TANC1: variants seen among roughly 807,000 people sequenced by gnomAD.
TANC1 encodes the protein protein TANC1.
In TANC1, 77 loss-of-function variants were observed where a neutral mutation model predicts 149.7. The observed-to-expected ratio is 0.51, with a 90% CI of 0.43 to 0.62. The LOEUF (loss-of-function observed/expected upper bound fraction) is 0.62, where lower values mean the gene tolerates loss of function less well. Among genes scored for constraint, TANC1 ranks in the 20% least tolerant of loss-of-function variants. The pLI, the probability that TANC1 is intolerant of heterozygous loss-of-function variation, is 0.00. For missense variants in TANC1, 1,985 were observed against 2,321.8 expected (o/e 0.85, Z 2.98); for synonymous variants, 854 against 925.0 (o/e 0.92, Z 1.39).
chr2:159,082,362 T>C (rs1470277289), intron 3 of TANC1, among the ~76,000 whole-genome samples: 1 of 92,758 alleles, frequency 1.1e-5, no homozygotes, highest in Non-Finnish European at 2.5e-5. Flanking sequence ...ATACATGTTT[T>C]AAACTTGTTA....
chr2:158,994,695 CTT>C (rs1371268181), intron 1 of TANC1, among the ~76,000 whole-genome samples: 1 of 152,176 alleles, frequency 6.6e-6, no homozygotes, highest in Admixed American at 6.5e-5. Context: ...TGATTTGTAA[CTT>C]TTTAAAACTT....
intron 7 of TANC1, among the ~76,000 whole-genome samples, chr2:159,160,607 G>A (rs1293665919): frequency 6.6e-6 from 1 of 152,190 alleles, no homozygotes; most frequent in African/African-American, 2.4e-5. Flanking sequence ...CTCAGGGCTC[G>A]GATGGAGCTG....
At chr2:159,152,117 C>T (rs752394403) in intron 7 of TANC1, among the ~76,000 whole-genome samples, 5 of 152,156 alleles carry the variant, frequency 3.3e-5, no homozygotes, top group Non-Finnish European at 7.4e-5. Context: ...AATTTATATT[C>T]TTTTCACTCA....
chr2:159,163,104 C>T (rs1393452957), intron 7 of TANC1, among the ~76,000 whole-genome samples, 179 bp from the exon 8 acceptor site: 3 of 152,100 alleles, frequency 2.0e-5, no homozygotes, highest in African/African-American at 7.2e-5. Flanking sequence ...AGCTTATTTC[C>T]CCTGGTAAGC....
Position 159,194,243 on chromosome 2 carries a change from GC to G in TANC1, c.2743-12del, listed in dbSNP as rs757706156. On this transcript the variant is annotated splice_polypyrimidine_tract_variant and intron_variant, in intron 16 of 26. Transcript: ENST00000263635. ...ATACATGTGACAATCTTGTTGGGGGGCCTTGTCCAACAGGTGAGCCGTCTCC... is the reference window on the plus strand; with the variant it reads ...ATACATGTGACAATCTTGTTGGGGGGCTTGTCCAACAGGTGAGCCGTCTCC... 1.9e-6 allele frequency: 3 copies of G among 1,600,604 alleles called. No homozygotes were observed. Among genetic ancestry groups the G allele is most frequent in the Non-Finnish European group, 2.6e-6 (3 of 1,167,852 alleles).
chr2:159,198,926 G>A (rs972241525), intron 18 of TANC1, 49 bp from the exon 19 acceptor site: 1 of 1,343,326 alleles, frequency 7.4e-7, no homozygotes, highest in East Asian at 2.3e-5. Flanking sequence ...GCTATAATAA[G>A]CACCTCTTGC....
At chr2:159,192,797 G>T (rs2057548125) in intron 16 of TANC1, among the ~76,000 whole-genome samples, 1 of 152,126 alleles carries the variant, frequency 6.6e-6, no homozygotes. Flanking sequence ...TTACAGGCGT[G>T]CGCCACCACG....
chr2:159,061,495 C>T (rs1478801153), intron 2 of TANC1, among the ~76,000 whole-genome samples: 2 of 151,930 alleles, frequency 1.3e-5, no homozygotes, highest in African/African-American at 4.8e-5. Flanking sequence ...TGCTAAGGGC[C>T]CCCACCCCAA....
At chr2:159,071,624 A>C (rs1182633131) in intron 3 of TANC1, among the ~76,000 whole-genome samples, 1 of 152,216 alleles carries the variant, frequency 6.6e-6, no homozygotes, top group Non-Finnish European at 1.5e-5. Context: ...TGGTATTTTA[A>C]GCCATTCCAG....
At chr2:159,084,023 G>T (rs1022916690) in intron 3 of TANC1, among the ~76,000 whole-genome samples, 1 of 152,158 alleles carries the variant, frequency 6.6e-6, no homozygotes, top group Non-Finnish European at 1.5e-5. Context: ...AGGCCGAGGC[G>T]GGCGGATCAT....
At chr2:159,199,373 C>T (rs2058084657) in intron 19 of TANC1, among the ~76,000 whole-genome samples, 1 of 152,152 alleles carries the variant, frequency 6.6e-6, no homozygotes. Flanking sequence ...CACATCTAAC[C>T]AATGTGATCT....
chr2:159,046,654 C>T lies in TANC1; in HGVS notation c.-15-19242C>T, dbSNP rs2041078893. On this transcript the variant is annotated intron_variant, in intron 2 of 26. Transcript: ENST00000263635. ...TAGCTTTGTCACCCAGGCTAGAGTG[C>T]AGCGGCACAATCTCGGCTCATTGCA... Among the ~76,000 whole-genome samples the T allele has an allele frequency of 2.3e-5, 3 of 131,456 alleles. No homozygotes were observed. In the South Asian group the frequency reaches 7.9e-4, roughly 35 times the overall value. 86.2% of individuals were successfully genotyped at this position (131,456 alleles called of 152,430 possible).
chr2:159,017,088 C>T (rs1190933824), intron 2 of TANC1, among the ~76,000 whole-genome samples: 1 of 152,138 alleles, frequency 6.6e-6, no homozygotes, highest in Non-Finnish European at 1.5e-5. Context: ...TTTAAAGAGG[C>T]ATAAACTGCA....
intron 5 of TANC1, chr2:159,147,556 G>A (rs1191420124): frequency 6.6e-6 from 1 of 152,334 alleles, no homozygotes; most frequent in Non-Finnish European, 1.5e-5. Flanking sequence ...GTGCTTTGAG[G>A]TAGGAAGGGA....
At chr2:159,153,543 G>C (rs528037399) in intron 7 of TANC1, among the ~76,000 whole-genome samples, 1 of 152,198 alleles carries the variant, frequency 6.6e-6, no homozygotes, top group African/African-American at 2.4e-5. Context: ...TTCTCCTTCC[G>C]TGACATGCAG....
chr2:159,169,394 G>A (rs2054942375), intron 9 of TANC1, 22 bp downstream of exon 9: 1 of 1,611,988 alleles, frequency 6.2e-7, no homozygotes, highest in Non-Finnish European at 8.5e-7. Context: ...GGCATCAGCT[G>A]CGATAATGGT....
intron 5 of TANC1, among the ~76,000 whole-genome samples, chr2:159,141,395 T>C (rs1559335861): frequency 6.6e-6 from 1 of 152,152 alleles, no homozygotes. Context: ...AGTAATTAAG[T>C]GAGAGGATAA....
intron 16 of TANC1, among the ~76,000 whole-genome samples, chr2:159,190,706 C>T (rs889877925): frequency 4.6e-5 from 7 of 152,044 alleles, no homozygotes; most frequent in South Asian, 2.1e-4. Context: ...CGTGTGCCAC[C>T]GCAACCAGCT....
At chr2:159,224,429 A>G (rs2059896460) in intron 23 of TANC1, 65 bp downstream of exon 23, 24 of 1,585,940 alleles carry the variant, frequency 1.5e-5, no homozygotes, top group Non-Finnish European at 2.0e-5. Context: ...AAGCCTAGAC[A>G]GCACAGAGAG....
Sources: gnomAD v4.1 joint callset for allele counts (sites outside exome capture counted in the v4.1 genomes callset) on GRCh38, gnomAD v4.1.1 for gene constraint, MANE v1.5 for transcripts, NCBI Gene and HGNC (gene_info 2026-07-23, HGNC 2026-07-21) for gene names.